Variants in POLK observed in about 807,000 individuals in gnomAD.
POLK encodes polymerase (DNA directed) kappa.
POLK carries 76 observed loss-of-function variants against 94.0 expected under a neutral mutation model. The observed-to-expected ratio is 0.81, with a 90% CI of 0.67 to 0.98. The LOEUF (loss-of-function observed/expected upper bound fraction) is 0.98, where lower values mean the gene tolerates loss of function less well. Ranked by LOEUF, POLK falls within the 50% of genes least tolerant of loss-of-function variation. The probability of loss-of-function intolerance (pLI) is 0.00; values close to 1 mark genes in which losing one functional copy is unlikely to be tolerated. For missense variants in POLK, 954 were observed against 1,010.1 expected (o/e 0.94, Z 0.75); for synonymous variants, 349 against 325.4 (o/e 1.07, Z -0.78).
chr5:75,537,276 G>T, intron 1 of POLK, among the ~76,000 whole-genome samples: 1 of 152,198 alleles, frequency 6.6e-6, no homozygotes, highest in East Asian at 1.9e-4. Flanking sequence ...AGAAGCATGG[G>T]GGTGGGGGGC....
chr5:75,518,179 T>C (rs1768406725), intron 1 of POLK, among the ~76,000 whole-genome samples: 1 of 152,166 alleles, frequency 6.6e-6, no homozygotes, highest in East Asian at 1.9e-4. Context: ...TTTTTTGTTT[T>C]GTTTTGTTTT....
At chr5:75,598,033 A>G (rs772449439) in exon 15 of POLK, 44 of 989,248 alleles carry the variant, frequency 4.4e-5, no homozygotes, top group Non-Finnish European at 6.3e-5. Context: ...TGAACATTTT[A>G]TCATTAATTT....
chr5:75,573,862 G>A, exon 5 of POLK: 1 of 1,613,160 alleles, frequency 6.2e-7, no homozygotes, highest in Non-Finnish European at 8.5e-7. Context: ...CGAGCTGTGA[G>A]TAAAGAGGTA....
chr5:75,596,560 AC>A lies in POLK; in HGVS notation c.1869del (p.Cys624ValfsTer16). ...GAATTCAGATGACTGTCAGATACTT[AC>A]CTGTCCTGTTTGCTTTAGGGCTCAA... On this transcript the variant is annotated frameshift_variant, in exon 13 of 15. Transcript: ENST00000241436. LOFTEE classifies it high-confidence loss of function. 1.9e-6 allele frequency: 3 copies of A among 1,613,806 alleles called. No homozygotes were observed. In the South Asian group the frequency reaches 3.3e-5, roughly 18 times the overall value.
chr5:75,546,890 C>T (rs1651620289), intron 1 of POLK, 120 bp from the exon 2 acceptor site: 3 of 445,052 alleles, frequency 6.7e-6, no homozygotes, highest in African/African-American at 2.0e-5. Flanking sequence ...TGGTGTCGAA[C>T]CCCTGAGCTC....
At chr5:75,523,843 T>C (rs1321723316) in intron 1 of POLK, among the ~76,000 whole-genome samples, 2 of 152,074 alleles carry the variant, frequency 1.3e-5, no homozygotes, top group Non-Finnish European at 2.9e-5. Flanking sequence ...AACTTTCACA[T>C]TGTAGGCTGG....
intron 3 of POLK, among the ~76,000 whole-genome samples, chr5:75,558,085 G>A (rs75629407): frequency 6.6e-6 from 1 of 152,118 alleles, no homozygotes; most frequent in African/African-American, 2.4e-5. Context: ...CAACATGTTG[G>A]GCCTGTAATG....
intron 11 of POLK, among the ~76,000 whole-genome samples, chr5:75,592,428 G>T (rs1215676253): frequency 6.6e-6 from 1 of 152,138 alleles, no homozygotes; most frequent in Non-Finnish European, 1.5e-5. Context: ...AAATTCAGTT[G>T]GGGGGCCAGG....
chr5:75,589,727 C>G (rs1247520524), intron 10 of POLK, among the ~76,000 whole-genome samples: 1 of 152,164 alleles, frequency 6.6e-6, no homozygotes, highest in African/African-American at 2.4e-5. Flanking sequence ...ACTGAAGAGT[C>G]ACTTGCTCAG....
chr5:75,532,013 C>T (rs371802071), intron 1 of POLK, among the ~76,000 whole-genome samples: 5 of 152,132 alleles, frequency 3.3e-5, no homozygotes, highest in African/African-American at 1.2e-4. Flanking sequence ...CTGGCTTCCC[C>T]AGAGTTAGTA....
chr5:75,554,740 A>T (rs1324648001), intron 3 of POLK, among the ~76,000 whole-genome samples: 1 of 152,134 alleles, frequency 6.6e-6, no homozygotes, highest in African/African-American at 2.4e-5. Flanking sequence ...TCCCACTTAT[A>T]AGTGAGAACA....
At chr5:75,572,718 G>A (rs1036397759) in intron 4 of POLK, among the ~76,000 whole-genome samples, 1 of 151,964 alleles carries the variant, frequency 6.6e-6, no homozygotes, top group Admixed American at 6.6e-5. Context: ...AATGGGAGAG[G>A]GTCATGGTAT....
At chr5:75,596,650 A>G in exon 13 of POLK, 4 of 1,614,134 alleles carry the variant, frequency 2.5e-6, no homozygotes, top group Non-Finnish European at 3.4e-6. Flanking sequence ...ACCTTCAATC[A>G]GTGAAAACTT....
At chr5:75,600,569 A>C (rs1395938659) in exon 15 of POLK, 2 of 152,218 alleles carry the variant, frequency 1.3e-5, no homozygotes, top group African/African-American at 2.4e-5. Flanking sequence ...AGTTCTTCCC[A>C]GTCAGGAAGG....
At chr5:75,529,774 G>A (rs1308068744) in intron 1 of POLK, among the ~76,000 whole-genome samples, 1 of 151,974 alleles carries the variant, frequency 6.6e-6, no homozygotes, top group African/African-American at 2.4e-5. Context: ...AGTATATAGA[G>A]ATCTTTTAGA....
intron 1 of POLK, among the ~76,000 whole-genome samples, chr5:75,544,720 A>G (rs1397463806): frequency 6.6e-6 from 1 of 152,206 alleles, no homozygotes; most frequent in African/African-American, 2.4e-5. Flanking sequence ...AGACAGCTTA[A>G]ATGTAGGATG....
intron 12 of POLK, 28 bp from the exon 13 acceptor site, chr5:75,596,194 G>A (rs1172350882): frequency 2.3e-6 from 3 of 1,289,180 alleles, no homozygotes; most frequent in Non-Finnish European, 3.3e-6. Flanking sequence ...TGTTCAATTT[G>A]AAATTGATTG....
At chr5:75,524,946 A>G (rs893057688) in intron 1 of POLK, among the ~76,000 whole-genome samples, 4 of 152,230 alleles carry the variant, frequency 2.6e-5, no homozygotes, top group African/African-American at 4.8e-5. Context: ...ATGCATGCCC[A>G]CGGCAAATTG....
exon 12 of POLK, chr5:75,593,977 G>T: frequency 1.2e-6 from 2 of 1,611,348 alleles, no homozygotes; most frequent in Non-Finnish European, 1.7e-6. Context: ...AGAAATATTT[G>T]CCATTGCTAA....
Sources: allele counts gnomAD v4.1 joint callset (sites outside exome capture counted in the v4.1 genomes callset), GRCh38; gene constraint gnomAD v4.1.1; transcripts MANE v1.5; gene names NCBI Gene and HGNC (gene_info 2026-07-23, HGNC 2026-07-21).